PDE4D: variants seen among roughly 807,000 people sequenced by gnomAD.
The protein encoded by PDE4D is phosphodiesterase 4D.
In PDE4D, 24 loss-of-function variants were observed where a neutral mutation model predicts 87.4. The ratio of observed to expected loss-of-function variants is 0.27; its 90% confidence interval spans 0.20 to 0.39. The LOEUF is 0.39. Among genes scored for constraint, PDE4D ranks in the 10% least tolerant of loss-of-function variants. The probability of loss-of-function intolerance (pLI) is 1.00; values close to 1 mark genes in which losing one functional copy is unlikely to be tolerated. For synonymous variants in PDE4D, 384 were observed against 383.2 expected, an observed-to-expected ratio of 1.00 and a Z score of -0.02; for missense variants, 714 against 1,041.0, an observed-to-expected ratio of 0.69 and a Z score of 4.32.
intron 11 of PDE4D, among the ~76,000 whole-genome samples, chr5:58,986,947 T>C (rs1746571086): frequency 9.4e-6 from 1 of 106,248 alleles, no homozygotes; most frequent in East Asian, 2.7e-4. Flanking sequence ...GTTTGAATGT[T>C]TGGTGTTTAA....
At chr5:59,529,074 A>G in intron 1 of PDE4D, 1 of 469,290 alleles carries the variant, frequency 2.1e-6, no homozygotes, top group East Asian at 5.7e-5. Context: ...CGTTGGACCT[A>G]TGCAAGATCA....
intron 1 of PDE4D, among the ~76,000 whole-genome samples, chr5:59,312,253 C>T (rs1029659734): frequency 6.6e-6 from 1 of 152,216 alleles, no homozygotes; most frequent in Admixed American, 6.5e-5. Context: ...TTGGCTCTTA[C>T]ATTTAGATTA....
intron 1 of PDE4D, among the ~76,000 whole-genome samples, chr5:59,457,504 C>CAACCTACCATATCTCTGAACCCT (rs1384208899): frequency 6.6e-6 from 1 of 152,176 alleles, no homozygotes; most frequent in Non-Finnish European, 1.5e-5. Context: ...ATCTGAAACC[C>CAACCTACCATATCTCTGAACCCT]AACCTACCAT....
At chr5:60,061,086 T>C (rs963964367) in intron 2 of PDE4D, among the ~76,000 whole-genome samples, 2 of 152,042 alleles carry the variant, frequency 1.3e-5, no homozygotes, top group African/African-American at 2.4e-5. Context: ...GCCAGGGCAA[T>C]CAGGCAAGAG....
intron 1 of PDE4D, among the ~76,000 whole-genome samples, chr5:60,191,500 C>T (rs1260482727): frequency 6.6e-6 from 1 of 152,140 alleles, no homozygotes; most frequent in Non-Finnish European, 1.5e-5. Context: ...AGGTGTCTTG[C>T]TTCCCCTTCG....
At chr5:60,313,774 A>G (rs1162321713) in intron 1 of PDE4D, among the ~76,000 whole-genome samples, 1 of 152,226 alleles carries the variant, frequency 6.6e-6, no homozygotes, top group Admixed American at 6.5e-5. Context: ...CTGGGATACA[A>G]AGTTAGTTCA....
intron 1 of PDE4D, among the ~76,000 whole-genome samples, chr5:59,804,482 T>C (rs1767515794): frequency 6.6e-6 from 1 of 151,918 alleles, no homozygotes; most frequent in South Asian, 2.1e-4. Context: ...GGCCTGTGCA[T>C]GTGGTCTTTC....
intron 1 of PDE4D, among the ~76,000 whole-genome samples, chr5:60,400,265 G>A (rs1740942550): frequency 6.6e-6 from 1 of 152,190 alleles, no homozygotes; most frequent in Non-Finnish European, 1.5e-5. Context: ...ATTCTCGCCT[G>A]TAATCCCAGC....
intron 1 of PDE4D, among the ~76,000 whole-genome samples, chr5:59,763,017 A>G: frequency 6.6e-6 from 1 of 151,290 alleles, no homozygotes. Context: ...AGACAATGAC[A>G]TTCAAGGAAG....
chr5:59,394,569 T>C (rs1484837421), intron 1 of PDE4D, among the ~76,000 whole-genome samples: 2 of 150,260 alleles, frequency 1.3e-5, no homozygotes, highest in African/African-American at 2.5e-5. Context: ...TAACAATTTA[T>C]TGAGCATATA....
chr5:60,282,235 A>ATATATATATATATATATATATATATG (rs1490291783), intron 1 of PDE4D, among the ~76,000 whole-genome samples: 2 of 132,050 alleles, frequency 1.5e-5, no homozygotes, highest in Non-Finnish European at 3.2e-5. Flanking sequence ...ATATATATAT[A>ATATATATATATATATATATATATATG]TATTTCTCAA....
intron 1 of PDE4D, among the ~76,000 whole-genome samples, chr5:59,570,188 C>T (rs867379347): frequency 6.6e-6 from 1 of 151,914 alleles, no homozygotes; most frequent in Admixed American, 6.6e-5. Context: ...TTAAAAAAAA[C>T]CCACATTCTT....
rs535058274 is a variant in PDE4D, at chr5:59,492,386, G to A, written c.456-276418C>T. 4.6e-5 allele frequency among the ~76,000 whole-genome samples: 7 copies of A among 152,248 alleles called. No homozygotes were observed. The South Asian group carries it at 1.0e-3, about 23-fold the overall frequency. ...GGGAGAGTGAGGTTGCTCACACTTG[G>A]CACCTGACCCAATTTCTACAACATT... On this transcript the variant is annotated intron_variant, in intron 1 of 14. Coordinates refer to ENST00000340635, the MANE Select transcript of PDE4D (RefSeq NM_001104631.2).
chr5:60,132,916 G>T (rs1779710866), intron 2 of PDE4D, among the ~76,000 whole-genome samples: 3 of 152,068 alleles, frequency 2.0e-5, no homozygotes, highest in Non-Finnish European at 4.4e-5. Flanking sequence ...GCATGACATG[G>T]GTAAAGGCAC....
At chr5:59,018,923 A>G (rs1754557493) in intron 6 of PDE4D, among the ~76,000 whole-genome samples, 1 of 150,472 alleles carries the variant, frequency 6.6e-6, no homozygotes, top group African/African-American at 2.4e-5. Flanking sequence ...ACAACACCCA[A>G]GTAAAATCCT....
intron 1 of PDE4D, among the ~76,000 whole-genome samples, chr5:59,845,445 C>A (rs1433402047): frequency 2.0e-5 from 3 of 152,062 alleles, no homozygotes; most frequent in Non-Finnish European, 2.9e-5. Flanking sequence ...TATTTTCTCA[C>A]CTGCATGTCT....
At chr5:59,321,032 G>T (rs1346300484) in intron 1 of PDE4D, among the ~76,000 whole-genome samples, 2 of 152,068 alleles carry the variant, frequency 1.3e-5, no homozygotes, top group African/African-American at 4.8e-5. Context: ...GAAATCCAAT[G>T]ATTTCCTGCA....
At chr5:60,324,625 G>A (rs903142320) in intron 1 of PDE4D, among the ~76,000 whole-genome samples, 4 of 152,220 alleles carry the variant, frequency 2.6e-5, no homozygotes, top group Non-Finnish European at 5.9e-5. Context: ...ATGACAGAGC[G>A]AGACTCCGTC....
chr5:59,714,634 G>C (rs1178296632), intron 1 of PDE4D, among the ~76,000 whole-genome samples: 2 of 152,216 alleles, frequency 1.3e-5, no homozygotes, highest in African/African-American at 2.4e-5. Context: ...TGGTGGACTT[G>C]ATTAATGCAT....
Sources: allele counts gnomAD v4.1 joint callset (sites outside exome capture counted in the v4.1 genomes callset), GRCh38; gene constraint gnomAD v4.1.1; transcripts MANE v1.5; gene names NCBI Gene and HGNC (gene_info 2026-07-23, HGNC 2026-07-21).